The following TBC1D5 variants were observed in gnomAD, a reference collection of about 807,000 sequenced individuals.
TBC1D5 encodes TBC1 domain family member 5, also known as TBC1 domain family, member 5.
TBC1D5 carries 75 observed loss-of-function variants against 100.3 expected under a neutral mutation model. That is an observed-to-expected ratio of 0.75 (90% CI 0.62 to 0.91). The LOEUF is 0.91. TBC1D5 is among the 40% of genes least tolerant of loss of function. The pLI, the probability that TBC1D5 is intolerant of heterozygous loss-of-function variation, is 0.00. For missense variants in TBC1D5, 910 were observed against 942.4 expected, an observed-to-expected ratio of 0.97 and a Z score of 0.45; for synonymous variants, 323 against 325.6, an observed-to-expected ratio of 0.99 and a Z score of 0.09.
exon 21 of TBC1D5, chr3:17,166,862 G>C (rs1380924783): frequency 6.2e-7 from 1 of 1,614,152 alleles, no homozygotes; most frequent in South Asian, 1.1e-5. Context: ...ATGGTGATCT[G>C]TTCGTTCTCT....
intron 10 of TBC1D5, among the ~76,000 whole-genome samples, chr3:17,376,239 T>C (rs1399854889): frequency 6.6e-6 from 1 of 152,118 alleles, no homozygotes; most frequent in Non-Finnish European, 1.5e-5. Flanking sequence ...AGCACTTTTG[T>C]GATTACAACA....
At chr3:17,306,947 C>T (rs2150520301) in intron 14 of TBC1D5, among the ~76,000 whole-genome samples, 1 of 152,240 alleles carries the variant, frequency 6.6e-6, no homozygotes, top group East Asian at 1.9e-4. Context: ...GAAACTTTCA[C>T]TTTGAGAAAA....
intron 13 of TBC1D5, among the ~76,000 whole-genome samples, chr3:17,326,681 C>T (rs2086189599): frequency 6.6e-6 from 1 of 152,140 alleles, no homozygotes; most frequent in African/African-American, 2.4e-5. Context: ...ACTATTTTGC[C>T]CAGGTTGGGC....
intron 1 of TBC1D5, among the ~76,000 whole-genome samples, chr3:17,683,989 G>C (rs2069879418): frequency 6.6e-6 from 1 of 152,108 alleles, no homozygotes; most frequent in African/African-American, 2.4e-5. Flanking sequence ...TCCAAGGAAA[G>C]ATCACTTAGA....
intron 16 of TBC1D5, among the ~76,000 whole-genome samples, chr3:17,247,031 C>T (rs77812831): frequency 0.012 from 1,880 of 152,156 alleles, 34 homozygotes; most frequent in African/African-American, 0.043. Context: ...TCACCTGGGT[C>T]CTGGGTCACA....
intron 1 of TBC1D5, among the ~76,000 whole-genome samples, chr3:17,650,463 TAATA>T (rs1209018203): frequency 6.6e-6 from 1 of 152,146 alleles, no homozygotes; most frequent in Non-Finnish European, 1.5e-5. Context: ...TTTATTACTT[TAATA>T]AATTTCAACA....
At chr3:17,299,577 G>A (rs1049597333) in intron 14 of TBC1D5, among the ~76,000 whole-genome samples, 5 of 152,108 alleles carry the variant, frequency 3.3e-5, no homozygotes, top group African/African-American at 1.2e-4. Context: ...GTGTCATTCT[G>A]GCCGGGTGCG....
chr3:17,280,058 C>T (rs545877334), intron 15 of TBC1D5, among the ~76,000 whole-genome samples: 1 of 152,256 alleles, frequency 6.6e-6, no homozygotes, highest in African/African-American at 2.4e-5. Context: ...CTCATTATTG[C>T]AGGTACCCTG....
intron 14 of TBC1D5, among the ~76,000 whole-genome samples, chr3:17,301,073 A>C (rs1329845374): frequency 2.6e-5 from 4 of 151,538 alleles, no homozygotes; most frequent in African/African-American, 9.7e-5. Context: ...CGTCTCAGAA[A>C]AAAAAAAAAA....
intron 2 of TBC1D5, among the ~76,000 whole-genome samples, chr3:17,512,968 G>A (rs757718098): frequency 6.6e-6 from 1 of 152,016 alleles, no homozygotes; most frequent in Non-Finnish European, 1.5e-5. Flanking sequence ...AAGGGTAAGC[G>A]TTCAGCACTA....
chr3:17,590,667 A>G lies in TBC1D5; in HGVS notation c.-36+33182T>C, dbSNP rs569561664. 6.6e-5 allele frequency among the ~76,000 whole-genome samples: 10 copies of G among 152,280 alleles called. No homozygotes were observed. The South Asian group carries it at 1.9e-3, about 28-fold the overall frequency. On this transcript the variant is annotated intron_variant, in intron 2 of 21. Transcript: ENST00000253692. ...GTGGGAACCGCAGTCACTCAACTAC[A>G]AATATTTAAATACGATGGGAACAGT...
chr3:17,712,271 T>C (rs978673574), intron 1 of TBC1D5, among the ~76,000 whole-genome samples: 1 of 152,032 alleles, frequency 6.6e-6, no homozygotes, highest in Non-Finnish European at 1.5e-5. Flanking sequence ...TAAAAAGAAA[T>C]AATGGTCTCC....
intron 13 of TBC1D5, among the ~76,000 whole-genome samples, chr3:17,361,036 T>C (rs368590972): frequency 1.3e-5 from 2 of 152,032 alleles, no homozygotes; most frequent in African/African-American, 4.8e-5. Flanking sequence ...CAAATATATA[T>C]GTAATAGTCC....
At chr3:17,633,095 A>G (rs1181169889) in intron 1 of TBC1D5, among the ~76,000 whole-genome samples, 1 of 152,194 alleles carries the variant, frequency 6.6e-6, no homozygotes, top group Non-Finnish European at 1.5e-5. Context: ...AAAATAAGAA[A>G]AGGTTTAATA....
At chr3:17,212,480 T>C (rs1222577484) in intron 18 of TBC1D5, among the ~76,000 whole-genome samples, 10 of 152,168 alleles carry the variant, frequency 6.6e-5, no homozygotes, top group Admixed American at 6.5e-4. Context: ...CATTATTTTA[T>C]AATGTACTTC....
intron 3 of TBC1D5, among the ~76,000 whole-genome samples, chr3:17,482,853 G>A (rs537012641): frequency 1.1e-3 from 166 of 151,936 alleles, no homozygotes; most frequent in African/African-American, 3.9e-3. Context: ...GTCAGGATTG[G>A]GGAGATCTCC....
At chr3:17,319,597 C>T (rs569672818) in intron 13 of TBC1D5, among the ~76,000 whole-genome samples, 5 of 152,216 alleles carry the variant, frequency 3.3e-5, no homozygotes, top group African/African-American at 1.2e-4. Context: ...CATTTTTATG[C>T]AGGTATTTAC....
At chr3:17,559,920 C>G (rs528209320) in intron 2 of TBC1D5, among the ~76,000 whole-genome samples, 7 of 152,048 alleles carry the variant, frequency 4.6e-5, no homozygotes, top group Non-Finnish European at 8.8e-5. Flanking sequence ...ATAAAAAAGT[C>G]CTTATTAGAT....
intron 2 of TBC1D5, among the ~76,000 whole-genome samples, chr3:17,527,495 G>C (rs1382268138): frequency 6.6e-6 from 1 of 152,108 alleles, no homozygotes; most frequent in Non-Finnish European, 1.5e-5. Flanking sequence ...TTGAGCAAGG[G>C]TGTGACATGA....
Sources: gnomAD v4.1 joint callset for allele counts (sites outside exome capture counted in the v4.1 genomes callset) on GRCh38, gnomAD v4.1.1 for gene constraint, MANE v1.5 for transcripts, NCBI Gene and HGNC (gene_info 2026-07-23, HGNC 2026-07-21) for gene names.